EEFSEC: variants seen among roughly 807,000 people sequenced by gnomAD.
The protein encoded by EEFSEC is eukaryotic elongation factor, selenocysteine-tRNA specific, also known as selenocysteine-specific elongation factor.
EEFSEC carries 43 observed loss-of-function variants against 42.1 expected under a neutral mutation model. The observed-to-expected ratio is 1.02, with a 90% CI of 0.80 to 1.32. The LOEUF is 1.32. Ranked by LOEUF, EEFSEC falls within the 40% of genes most tolerant of loss-of-function variation. The probability of loss-of-function intolerance (pLI) is 0.00; values close to 1 mark genes in which losing one functional copy is unlikely to be tolerated. For synonymous variants in EEFSEC, 354 were observed against 339.1 expected (o/e 1.04, Z -0.48); for missense variants, 745 against 803.6 (o/e 0.93, Z 0.88).
intron 6 of EEFSEC, among the ~76,000 whole-genome samples, chr3:128,368,444 CAAAAAAAAAAAAA>C (rs1576677128): frequency 4.3e-5 from 2 of 46,466 alleles, no homozygotes; most frequent in East Asian, 9.9e-4. Context: ...CCAAAAAAAA[CAAAAAAAAAAAAA>C]CAAAAAAAGA....
intron 4 of EEFSEC, among the ~76,000 whole-genome samples, chr3:128,267,399 C>T (rs143261065): frequency 3.7e-4 from 56 of 152,248 alleles, no homozygotes; most frequent in African/African-American, 1.3e-3. Flanking sequence ...CTGTTTTTCC[C>T]CAGCCTACTT....
chr3:128,420,340 C>T, the EEFSEC span, among the ~76,000 whole-genome samples: 1 of 152,252 alleles, frequency 6.6e-6, no homozygotes, highest in Non-Finnish European at 1.5e-5. Context: ...TTTGCAATTT[C>T]CTTCCTCACT....
intron 6 of EEFSEC, among the ~76,000 whole-genome samples, chr3:128,382,526 T>C (rs1228725306): frequency 6.6e-6 from 1 of 152,216 alleles, no homozygotes; most frequent in Non-Finnish European, 1.5e-5. Context: ...GAGGCCAGCT[T>C]CCTGACAGGG....
chr3:128,257,041 G>A (rs1395639531), intron 2 of EEFSEC, among the ~76,000 whole-genome samples: 2 of 152,104 alleles, frequency 1.3e-5, no homozygotes, highest in Non-Finnish European at 2.9e-5. Flanking sequence ...CACCATGCCT[G>A]GCCCAGAATT....
At position 128,335,088 on chromosome 3, in the gene EEFSEC, G is replaced by A. The variant is rs371079054; in HGVS notation, c.787-6145G>A. Among the ~76,000 whole-genome samples, 297 of 152,366 alleles carry A rather than the reference G, an allele frequency of 1.9e-3. 1 individual carries two copies. The Middle Eastern group carries it at 0.024, about 12-fold the overall frequency. On this transcript the variant is annotated intron_variant, in intron 4 of 6. Transcript: ENST00000254730. ...GTGAATGTGGAGCTTGGGCCCAGGA[G>A]GAGCTCCCCAAAAGAGGGCCCATGT...
the EEFSEC span, among the ~76,000 whole-genome samples, chr3:128,417,384 G>A: frequency 2.7e-4 from 41 of 152,018 alleles, no homozygotes; most frequent in Admixed American, 1.1e-3. This position sits in a 1 kb window ranked among gnomAD's most constrained non-coding sequence, Gnocchi z 4.3. Flanking sequence ...ACTCCCTCCC[G>A]CCTCAGGGCC....
At chr3:128,374,155 A>G (rs1462314902) in intron 6 of EEFSEC, among the ~76,000 whole-genome samples, 2 of 152,270 alleles carry the variant, frequency 1.3e-5, no homozygotes, top group Non-Finnish European at 2.9e-5. Flanking sequence ...CCCAGGGTCC[A>G]GCACCTGAAG....
At chr3:128,373,575 C>A (rs901420177) in intron 6 of EEFSEC, among the ~76,000 whole-genome samples, 1 of 152,170 alleles carries the variant, frequency 6.6e-6, no homozygotes, top group African/African-American at 2.4e-5. Flanking sequence ...TGGTGAGCAA[C>A]CCCTAGCTGG....
chr3:128,322,624 A>G (rs1045620816), intron 4 of EEFSEC, among the ~76,000 whole-genome samples: 9 of 152,246 alleles, frequency 5.9e-5, no homozygotes, highest in African/African-American at 2.2e-4. Context: ...TTGCCAGAAC[A>G]TGTGAGATTG....
chr3:128,277,237 T>C (rs1384902647), intron 4 of EEFSEC, among the ~76,000 whole-genome samples: 2 of 152,230 alleles, frequency 1.3e-5, no homozygotes, highest in Admixed American at 6.5e-5. Flanking sequence ...TGAGTATTTA[T>C]AATTCTTTCT....
At chr3:128,238,497 A>T (rs543449066) in intron 1 of EEFSEC, among the ~76,000 whole-genome samples, 1 of 152,268 alleles carries the variant, frequency 6.6e-6, no homozygotes, top group Non-Finnish European at 1.5e-5. Context: ...CTCAATCCAC[A>T]GTGGCTGTTA....
chr3:128,382,980 C>A (rs943079315), intron 6 of EEFSEC, among the ~76,000 whole-genome samples: 3 of 152,238 alleles, frequency 2.0e-5, no homozygotes, highest in African/African-American at 4.8e-5. Context: ...GGCAGGCTGC[C>A]TTGGCTGGAG....
chr3:128,347,080 A>C (rs2067320644), intron 5 of EEFSEC, among the ~76,000 whole-genome samples: 1 of 152,234 alleles, frequency 6.6e-6, no homozygotes, highest in African/African-American at 2.4e-5. Context: ...GAAAGCATTA[A>C]ACCCTCTCAG....
intron 6 of EEFSEC, among the ~76,000 whole-genome samples, chr3:128,401,084 C>A (rs1040989227): frequency 1.3e-5 from 2 of 152,124 alleles, no homozygotes; most frequent in African/African-American, 4.8e-5. Flanking sequence ...GAATGACAGA[C>A]GTACATGTAG....
chr3:128,393,536 A>T lies in EEFSEC; in HGVS notation c.1601-14533A>T, dbSNP rs995367795. On this transcript the variant is annotated intron_variant, in intron 6 of 6. Transcript: ENST00000254730. ...AGGTGCTCCAAGCTGAGGCCTATGC[A>T]CTCCAAGACCGGGGGGCAGCATATC... is the stretch of plus-strand genomic sequence containing the variant. Among the ~76,000 whole-genome samples, 7 of 152,024 alleles carry T rather than the reference A, an allele frequency of 4.6e-5. No individual in the cohort carries two copies. In the East Asian group the frequency reaches 1.4e-3, roughly 29 times the overall value.
Position 128,161,236 on chromosome 3 carries a change from A to G in EEFSEC, c.316+7413A>G, listed in dbSNP as rs142815922. Reference sequence around the variant, plus strand: ...TAGAGTATAAATCTTTCAGGGTTACAACTTCAAAAAGATTCAGTAATGTAT... The same window carrying G: ...TAGAGTATAAATCTTTCAGGGTTACGACTTCAAAAAGATTCAGTAATGTAT... On this transcript the variant is annotated intron_variant, in intron 1 of 6. Coordinates refer to ENST00000254730, the MANE Select transcript of EEFSEC (RefSeq NM_021937.5). Among the ~76,000 whole-genome samples the G allele has an allele frequency of 1.7e-3, 255 of 152,320 alleles. 1 individual carries two copies. Among genetic ancestry groups the G allele is most frequent in the African/African-American group, 6.0e-3 (249 of 41,570 alleles).
At chr3:128,263,694 A>G (rs2066321789) in intron 3 of EEFSEC, among the ~76,000 whole-genome samples, 1 of 152,258 alleles carries the variant, frequency 6.6e-6, no homozygotes, top group Non-Finnish European at 1.5e-5. Flanking sequence ...ACCACTGAAT[A>G]CTTTTTTGAC....
rs539912271 is a variant in EEFSEC, at chr3:128,365,979, C to T, written c.1600+7606C>T. 3.9e-5 allele frequency among the ~76,000 whole-genome samples: 6 copies of T among 152,338 alleles called. No individual in the cohort carries two copies. In the South Asian group the frequency reaches 8.3e-4, roughly 21 times the overall value. On this transcript the variant is annotated intron_variant, in intron 6 of 6. Coordinates refer to ENST00000254730, the MANE Select transcript of EEFSEC (RefSeq NM_021937.5). ...GAGCAGCAAGTGCTTCAGCTCAGCCCAGAAGCTGATGCACCTCTCTGTTGA... is the reference window on the plus strand; with the variant it reads ...GAGCAGCAAGTGCTTCAGCTCAGCCTAGAAGCTGATGCACCTCTCTGTTGA...
chr3:128,280,726 G>A (rs1457452558), intron 4 of EEFSEC, among the ~76,000 whole-genome samples: 2 of 152,188 alleles, frequency 1.3e-5, no homozygotes, highest in African/African-American at 4.8e-5. Context: ...CACAGCAAGC[G>A]GCAGCCTCTA....
Sources: allele counts gnomAD v4.1 joint callset (sites outside exome capture counted in the v4.1 genomes callset), GRCh38; gene constraint gnomAD v4.1.1; non-coding constraint Gnocchi (gnomAD v3.1); transcripts MANE v1.5; gene names NCBI Gene and HGNC (gene_info 2026-07-23, HGNC 2026-07-21).